The following TFDP2 variants were observed in gnomAD, a reference collection of about 807,000 sequenced individuals.
The protein encoded by TFDP2 is transcription factor Dp-2 (E2F dimerization partner 2).
In TFDP2, 17 loss-of-function variants were observed where a neutral mutation model predicts 59.3. That is an observed-to-expected ratio of 0.29 (90% CI 0.20 to 0.43). The LOEUF is 0.43. Ranked by LOEUF, TFDP2 falls within the 20% of genes least tolerant of loss-of-function variation. The pLI is 1.00. For missense variants in TFDP2, 391 were observed against 528.8 expected, an observed-to-expected ratio of 0.74 and a Z score of 2.56; for synonymous variants, 180 against 194.7, an observed-to-expected ratio of 0.92 and a Z score of 0.63.
chr3:142,106,638 C>T (rs948388474), intron 1 of TFDP2, among the ~76,000 whole-genome samples: 4 of 152,316 alleles, frequency 2.6e-5, no homozygotes, highest in Middle Eastern at 3.4e-3. Context: ...CCAGACTCAA[C>T]AATTGCACAC....
chr3:142,100,169 A>G (rs192682089), intron 2 of TFDP2, among the ~76,000 whole-genome samples: 8 of 152,390 alleles, frequency 5.2e-5, no homozygotes, highest in African/African-American at 1.9e-4. Flanking sequence ...ATTTAGAACT[A>G]TCGGTCTGAC....
rs377475913 is a variant in TFDP2, at chr3:142,008,294, A to G, written c.83-2750T>C. Among the ~76,000 whole-genome samples, 8 of 151,912 alleles carry G rather than the reference A, an allele frequency of 5.3e-5. No individual in the cohort carries two copies. In the East Asian group the frequency reaches 1.5e-3, roughly 29 times the overall value. On this transcript the variant is annotated intron_variant, in intron 3 of 12. Coordinates refer to ENST00000489671, the MANE Select transcript of TFDP2 (RefSeq NM_001178139.2). ...GCTTTCCTAGCCACTCCATGCATCT[A>G]TAACAAACCAGTCTTTCAACTGGCA...
At chr3:142,069,610 CTT>C (rs879529033) in intron 3 of TFDP2, among the ~76,000 whole-genome samples, 6 of 143,504 alleles carry the variant, frequency 4.2e-5, no homozygotes, top group African/African-American at 7.6e-5. Context: ...TTTTCCTTTC[CTT>C]TTTTTTTTTT....
In TFDP2 at chr3:141,952,700, G is replaced by C; in HGVS notation, c.1158-4C>G. 6.2e-7 allele frequency: 1 copy of C among 1,608,680 alleles called. No homozygotes were observed. Among genetic ancestry groups the C allele is most frequent in the Non-Finnish European group, 8.5e-7 (1 of 1,178,822 alleles). On this transcript the variant is annotated splice_polypyrimidine_tract_variant and splice_region_variant and intron_variant, in intron 12 of 12. Coordinates refer to ENST00000489671, the MANE Select transcript of TFDP2 (RefSeq NM_001178139.2). ...CAAGCATAACCCTTGGTTTACACTAGCAAACAATTAAAAACACACAGGCTC... is the reference window on the plus strand; with the variant it reads ...CAAGCATAACCCTTGGTTTACACTACCAAACAATTAAAAACACACAGGCTC...
chr3:141,961,369 G>C (rs1937345355), intron 10 of TFDP2, among the ~76,000 whole-genome samples: 1 of 150,020 alleles, frequency 6.7e-6, no homozygotes, highest in Non-Finnish European at 1.5e-5. Context: ...TCAGCCTCCT[G>C]AGTAGCTGGG....
chr3:141,987,876 T>C (rs1038379119), intron 6 of TFDP2, among the ~76,000 whole-genome samples: 2 of 149,600 alleles, frequency 1.3e-5, no homozygotes, highest in African/African-American at 5.0e-5. Flanking sequence ...GAGGCAGTGG[T>C]TGCAGTGGGC....
chr3:141,978,926 C>T (rs1054051568), intron 6 of TFDP2, among the ~76,000 whole-genome samples: 2 of 151,924 alleles, frequency 1.3e-5, no homozygotes, highest in Non-Finnish European at 2.9e-5. Flanking sequence ...ATTTATTGAC[C>T]AGTTACTATT....
chr3:141,989,714 T>C (rs1225064392), intron 6 of TFDP2, among the ~76,000 whole-genome samples: 1 of 152,136 alleles, frequency 6.6e-6, no homozygotes, highest in Non-Finnish European at 1.5e-5. Context: ...TCTGTGACAA[T>C]GTAGGGTACA....
chr3:141,982,340 A>G (rs777666753), intron 6 of TFDP2, among the ~76,000 whole-genome samples: 1 of 152,206 alleles, frequency 6.6e-6, no homozygotes, highest in Non-Finnish European at 1.5e-5. Context: ...AATGGCTTAA[A>G]GTAAATAAAT....
intron 3 of TFDP2, among the ~76,000 whole-genome samples, chr3:142,016,057 G>A (rs1945108775): frequency 6.6e-6 from 1 of 152,138 alleles, no homozygotes; most frequent in South Asian, 2.1e-4. Flanking sequence ...TGTCACCCAG[G>A]CTGGAGTATA....
chr3:142,073,450 AC>A (rs1260279087), intron 3 of TFDP2, among the ~76,000 whole-genome samples: 9 of 103,160 alleles, frequency 8.7e-5, no homozygotes, highest in Admixed American at 8.7e-4. Context: ...TTAAAAACAA[AC>A]AAACAACCCC....
At chr3:142,019,253 G>A (rs1473962510) in intron 3 of TFDP2, among the ~76,000 whole-genome samples, 1 of 151,736 alleles carries the variant, frequency 6.6e-6, no homozygotes, top group Non-Finnish European at 1.5e-5. Context: ...TAGTAGAGAC[G>A]GGGTTTCACC....
chr3:142,023,513 A>T (rs1945832386), intron 3 of TFDP2, among the ~76,000 whole-genome samples: 1 of 152,096 alleles, frequency 6.6e-6, no homozygotes, highest in Admixed American at 6.5e-5. Context: ...AAATAAACGT[A>T]AAACTTTAGG....
At chr3:142,060,936 C>T (rs6772024) in intron 3 of TFDP2, among the ~76,000 whole-genome samples, 6,589 of 152,170 alleles carry the variant, frequency 0.043, 492 homozygotes, top group African/African-American at 0.15. Context: ...ATTTCAACTC[C>T]GTCTACTGAA....
At chr3:142,060,035 A>C (rs2059866126) in intron 3 of TFDP2, among the ~76,000 whole-genome samples, 1 of 152,216 alleles carries the variant, frequency 6.6e-6, no homozygotes, top group African/African-American at 2.4e-5. Flanking sequence ...GATAACATTA[A>C]CTTTGCTTTT....
chr3:142,046,745 C>T (rs1283480176), intron 3 of TFDP2, among the ~76,000 whole-genome samples: 1 of 152,122 alleles, frequency 6.6e-6, no homozygotes, highest in East Asian at 1.9e-4. Context: ...CATCGAAATT[C>T]CTCCTGTTGC....
At chr3:141,990,194 C>T (rs62283132) in intron 6 of TFDP2, among the ~76,000 whole-genome samples, 17,751 of 151,822 alleles carry the variant, frequency 0.12, 1,281 homozygotes, top group East Asian at 0.18. Context: ...ATGCCCAGCC[C>T]CTTTAATTAT....
chr3:142,134,220 A>G (rs1004735552), intron 1 of TFDP2, among the ~76,000 whole-genome samples: 1 of 151,282 alleles, frequency 6.6e-6, no homozygotes, highest in Non-Finnish European at 1.5e-5. Context: ...GTGGTGGCAC[A>G]TGCCTGTAAT....
Position 141,951,542 on chromosome 3 carries a change from CA to C in TFDP2, c.*970del, listed in dbSNP as rs1935940458. On this transcript the variant is annotated 3_prime_UTR_variant, in exon 13 of 13. Transcript: ENST00000489671. ...TCTTGAAATAGACTTTTCTTTAAGA[CA>C]AAAGTAATGACATTTGGTTCATTTT... is the stretch of plus-strand genomic sequence containing the variant. 6.6e-6 allele frequency: 1 copy of C among 152,584 alleles called. No homozygotes were observed. Among genetic ancestry groups the C allele is most frequent in the Non-Finnish European group, 1.5e-5 (1 of 68,026 alleles). 9.5% of individuals were successfully genotyped at this position (152,584 alleles called of 1,614,324 possible).
Sources: gnomAD v4.1 joint callset for allele counts (sites outside exome capture counted in the v4.1 genomes callset) on GRCh38, gnomAD v4.1.1 for gene constraint, MANE v1.5 for transcripts, NCBI Gene and HGNC (gene_info 2026-07-23, HGNC 2026-07-21) for gene names.